Variants in EFL1 observed in about 807,000 individuals in gnomAD.
EFL1 encodes the protein elongation factor-like GTPase 1.
Under a neutral mutation model 126.7 loss-of-function variants are expected in EFL1, and 76 were observed. The observed-to-expected ratio is 0.60, with a 90% CI of 0.50 to 0.73. The LOEUF (loss-of-function observed/expected upper bound fraction) is 0.73, where lower values mean the gene tolerates loss of function less well. Among genes scored for constraint, EFL1 ranks in the 30% least tolerant of loss-of-function variants. The probability of loss-of-function intolerance (pLI) is 0.00; values close to 1 mark genes in which losing one functional copy is unlikely to be tolerated. For synonymous variants in EFL1, 410 were observed against 448.4 expected (o/e 0.91, Z 1.08); for missense variants, 1,128 against 1,343.2 (o/e 0.84, Z 2.50).
Position 82,252,816 on chromosome 15 carries a change from T to C in EFL1, c.160-41A>G, listed in dbSNP as rs2075034709. 6 of 1,097,944 alleles carry C rather than the reference T, an allele frequency of 5.5e-6. No individual in the cohort carries two copies. The South Asian group carries it at 8.4e-5, about 15-fold the overall frequency. The allele number at this position is 1,097,944 out of a possible 1,614,324, so 68.0% of individuals were successfully genotyped here. On this transcript the variant is annotated intron_variant, in intron 3 of 19. Coordinates refer to ENST00000268206, the MANE Select transcript of EFL1 (RefSeq NM_024580.6). Reference sequence around the variant, plus strand: ...ATATGCATCTTCACTTCCCAAAGAATTAAAATGTAACATTAAAATTTGCTA... The same window carrying C: ...ATATGCATCTTCACTTCCCAAAGAACTAAAATGTAACATTAAAATTTGCTA...
intron 18 of EFL1, among the ~76,000 whole-genome samples, chr15:82,146,090 G>A (rs2073842999): frequency 6.6e-6 from 1 of 152,060 alleles, no homozygotes; most frequent in Non-Finnish European, 1.5e-5. Context: ...CTTTAGAAAA[G>A]TGGATTTTAA....
chr15:82,255,041 A>G (rs976671277), intron 3 of EFL1, among the ~76,000 whole-genome samples: 29 of 152,214 alleles, frequency 1.9e-4, no homozygotes, highest in African/African-American at 6.8e-4. Context: ...ACTCCCTACC[A>G]GTAGAATTTC....
chr15:82,221,133 G>C (rs552587512), intron 12 of EFL1, among the ~76,000 whole-genome samples: 1 of 152,108 alleles, frequency 6.6e-6, no homozygotes, highest in Non-Finnish European at 1.5e-5. Context: ...TAGTCCTCTG[G>C]TCCTAACTTT....
intron 15 of EFL1, among the ~76,000 whole-genome samples, chr15:82,164,211 C>A (rs539960724): frequency 6.6e-6 from 1 of 151,920 alleles, no homozygotes; most frequent in South Asian, 2.1e-4. Context: ...ATGTACAAAT[C>A]CTATTATATC....
intron 15 of EFL1, among the ~76,000 whole-genome samples, chr15:82,207,303 TATATAC>T (rs2074535437): frequency 8.9e-6 from 1 of 112,152 alleles, no homozygotes. Flanking sequence ...TATATATATA[TATATAC>T]ACACACACAT....
At chr15:82,196,600 A>G (rs1484640181) in intron 15 of EFL1, among the ~76,000 whole-genome samples, 1 of 152,274 alleles carries the variant, frequency 6.6e-6, no homozygotes, top group Non-Finnish European at 1.5e-5. Flanking sequence ...TGCAAAATGA[A>G]GAGAAATTTA....
chr15:82,220,982 C>T (rs2074705913), intron 12 of EFL1, among the ~76,000 whole-genome samples: 1 of 152,120 alleles, frequency 6.6e-6, no homozygotes, highest in Admixed American at 6.5e-5. Flanking sequence ...ACTTGGCTCC[C>T]TTCCCACGTA....
intron 18 of EFL1, 91 bp downstream of exon 18, chr15:82,151,374 T>A (rs2073904927): frequency 1.6e-6 from 2 of 1,271,802 alleles, no homozygotes; most frequent in Non-Finnish European, 2.2e-6. Context: ...GGCGACAGAA[T>A]GAGACCCTGT....
chr15:82,262,731 G>A lies in EFL1; in HGVS notation c.-137C>T, dbSNP rs979696238. The A allele has an allele frequency of 9.5e-6, 9 of 945,872 alleles. No homozygotes were observed. The highest frequency in any genetic ancestry group is 3.0e-6 in the Non-Finnish European group (2 of 659,682). The allele number at this position is 945,872 out of a possible 1,614,324, so 58.6% of individuals were successfully genotyped here. On this transcript the variant is annotated 5_prime_UTR_variant, in exon 1 of 20. Coordinates refer to ENST00000268206, the MANE Select transcript of EFL1 (RefSeq NM_024580.6). The stretch of plus-strand genomic sequence containing the variant: ...CGCCCGCGCGCCAGGGGGCGGGGCC[G>A]GCTGTCGCTCGACCTTTCACCCGCA...
intron 15 of EFL1, among the ~76,000 whole-genome samples, chr15:82,171,899 C>A (rs1053594026): frequency 2.0e-5 from 3 of 150,924 alleles, no homozygotes; most frequent in Admixed American, 2.0e-4. Context: ...ACACACACAC[C>A]CTGTAAAGAT....
At chr15:82,241,025 G>A (rs1372722752) in intron 5 of EFL1, among the ~76,000 whole-genome samples, 1 of 152,194 alleles carries the variant, frequency 6.6e-6, no homozygotes, top group Non-Finnish European at 1.5e-5. Context: ...ACTAAAGCCT[G>A]GGTGACAGAG....
chr15:82,160,541 G>A (rs1034384697), intron 16 of EFL1, among the ~76,000 whole-genome samples: 9 of 152,078 alleles, frequency 5.9e-5, no homozygotes, highest in African/African-American at 2.2e-4. Flanking sequence ...AATAAAATTA[G>A]GTATTTGATT....
chr15:82,204,084 T>G (rs1224012431), intron 15 of EFL1, among the ~76,000 whole-genome samples: 1 of 152,246 alleles, frequency 6.6e-6, no homozygotes, highest in Non-Finnish European at 1.5e-5. Context: ...TTTAACATTT[T>G]TGTCATTTTA....
intron 4 of EFL1, among the ~76,000 whole-genome samples, chr15:82,245,933 TAA>T (rs113073635): frequency 2.9e-4 from 39 of 136,558 alleles, no homozygotes; most frequent in Admixed American, 3.6e-4. Context: ...ACTCTTGTCT[TAA>T]AAAAAAAAAA....
At chr15:82,211,421 G>C (rs1295669463) in intron 15 of EFL1, among the ~76,000 whole-genome samples, 1 of 151,630 alleles carries the variant, frequency 6.6e-6, no homozygotes, top group Non-Finnish European at 1.5e-5. Flanking sequence ...AGCTACTCAG[G>C]AGGCTTAGGC....
chr15:82,138,430 ATGTGTG>A (rs10675439), intron 19 of EFL1, among the ~76,000 whole-genome samples: 17 of 146,104 alleles, frequency 1.2e-4, no homozygotes, highest in African/African-American at 4.0e-4. Flanking sequence ...GAGAGAGTGT[ATGTGTG>A]TGTGTGTGTG....
chr15:82,208,603 T>C (rs2074550250), intron 15 of EFL1, among the ~76,000 whole-genome samples: 1 of 152,136 alleles, frequency 6.6e-6, no homozygotes, highest in African/African-American at 2.4e-5. Flanking sequence ...TTGAACCTAA[T>C]AGGGGTTGAA....
intron 16 of EFL1, among the ~76,000 whole-genome samples, chr15:82,162,085 C>T (rs2074029407): frequency 6.6e-6 from 1 of 152,140 alleles, no homozygotes; most frequent in Non-Finnish European, 1.5e-5. Flanking sequence ...TAGGACCAGT[C>T]TGGGTGACAT....
intron 17 of EFL1, among the ~76,000 whole-genome samples, chr15:82,154,091 T>C (rs1480520331): frequency 6.6e-6 from 1 of 152,126 alleles, no homozygotes; most frequent in African/African-American, 2.4e-5. Flanking sequence ...CCAAGAAGTC[T>C]CCTGTAGTAA....
Sources: allele counts gnomAD v4.1 joint callset (sites outside exome capture counted in the v4.1 genomes callset), GRCh38; gene constraint gnomAD v4.1.1; transcripts MANE v1.5; gene names NCBI Gene and HGNC (gene_info 2026-07-23, HGNC 2026-07-21).